CDK14: variants seen among roughly 807,000 people sequenced by gnomAD.
CDK14 encodes the protein cyclin dependent kinase 14, also known as cyclin-dependent kinase 14.
In CDK14, 34 loss-of-function variants were observed where a neutral mutation model predicts 60.7. The ratio of observed to expected loss-of-function variants is 0.56; its 90% CI spans 0.43 to 0.75. The LOEUF (loss-of-function observed/expected upper bound fraction) is 0.75, where lower values mean the gene tolerates loss of function less well. CDK14 is among the 30% of genes least tolerant of loss of function. The pLI is 0.00. For missense variants in CDK14, 482 were observed against 564.1 expected, an observed-to-expected ratio of 0.85 and a Z score of 1.47; for synonymous variants, 197 against 203.7, an observed-to-expected ratio of 0.97 and a Z score of 0.28.
At chr7:90,698,467 A>G (rs1193960315) in intron 2 of CDK14, among the ~76,000 whole-genome samples, 1 of 152,242 alleles carries the variant, frequency 6.6e-6, no homozygotes, top group Admixed American at 6.5e-5. Flanking sequence ...TTCTTCATAC[A>G]TAGATAATAT....
intron 12 of CDK14, among the ~76,000 whole-genome samples, chr7:91,095,284 A>G (rs1409479533): frequency 1.3e-5 from 2 of 152,232 alleles, no homozygotes; most frequent in Admixed American, 1.3e-4. Flanking sequence ...CACTCAGTTC[A>G]TATTTGTTGA....
At chr7:90,962,468 A>G (rs2117594621) in intron 9 of CDK14, among the ~76,000 whole-genome samples, 1 of 152,240 alleles carries the variant, frequency 6.6e-6, no homozygotes, top group East Asian at 1.9e-4. Context: ...CCTGGGTGAC[A>G]GAGTGAGACT....
chr7:90,774,045 A>T (rs987558092), intron 4 of CDK14, among the ~76,000 whole-genome samples: 13 of 151,718 alleles, frequency 8.6e-5, no homozygotes, highest in Non-Finnish European at 1.8e-4. Flanking sequence ...CTGGAATTAC[A>T]GGCGCTTGCC....
intron 2 of CDK14, among the ~76,000 whole-genome samples, chr7:90,613,406 T>C (rs1799583721): frequency 6.6e-6 from 1 of 152,204 alleles, no homozygotes; most frequent in Non-Finnish European, 1.5e-5. Context: ...TTTGAATTCA[T>C]TTGTTGAAAG....
At chr7:90,768,403 AAG>A (rs1804652488) in intron 4 of CDK14, among the ~76,000 whole-genome samples, 1 of 152,178 alleles carries the variant, frequency 6.6e-6, no homozygotes, top group Non-Finnish European at 1.5e-5. Flanking sequence ...GTATATTACA[AAG>A]AAAGTTCAGA....
intron 5 of CDK14, among the ~76,000 whole-genome samples, chr7:90,796,846 G>A (rs751698822): frequency 7.2e-5 from 11 of 151,844 alleles, no homozygotes; most frequent in Non-Finnish European, 1.0e-4. Flanking sequence ...TACCATGGTC[G>A]TTAAGAAGTT....
At chr7:90,810,513 C>T (rs1312061403) in intron 5 of CDK14, among the ~76,000 whole-genome samples, 7 of 152,042 alleles carry the variant, frequency 4.6e-5, no homozygotes, top group South Asian at 2.1e-4. Flanking sequence ...ACAGCCAATA[C>T]CATACTGAAT....
chr7:91,057,843 G>A (rs1797634100), intron 11 of CDK14, among the ~76,000 whole-genome samples: 1 of 152,108 alleles, frequency 6.6e-6, no homozygotes, highest in Non-Finnish European at 1.5e-5. Flanking sequence ...GTAGCGTGAT[G>A]CCTCCAGCTT....
intron 6 of CDK14, among the ~76,000 whole-genome samples, chr7:90,892,810 G>T (rs181130474): frequency 6.6e-6 from 1 of 152,188 alleles, no homozygotes; most frequent in East Asian, 1.9e-4. Context: ...TTTTGTTCTC[G>T]CTCTGTCACC....
At position 90,890,386 on chromosome 7, in the gene CDK14, G is replaced by GTAGA. The variant is rs1792077625; in HGVS notation, c.640-8901_640-8898dup. On this transcript the variant is annotated intron_variant, in intron 6 of 14. Coordinates refer to ENST00000380050, the MANE Select transcript of CDK14 (RefSeq NM_001287135.2). ...AGACCCTGTCTCAATAGATAGGTAG[G>GTAGA]TAGATAGGTAGGTAGGTAGGTAGAC... Among the ~76,000 whole-genome samples, 12 of 152,148 alleles carry GTAGA rather than the reference G, an allele frequency of 7.9e-5. No individual in the cohort carries two copies. In the South Asian group the frequency reaches 2.5e-3, roughly 32 times the overall value.
intron 7 of CDK14, among the ~76,000 whole-genome samples, chr7:90,899,631 C>G (rs1792438993): frequency 6.6e-6 from 1 of 152,004 alleles, no homozygotes; most frequent in African/African-American, 2.4e-5. Context: ...TGGAATCCTA[C>G]TTTTTAACAC....
intron 14 of CDK14, among the ~76,000 whole-genome samples, chr7:91,196,354 G>C (rs1469233642): frequency 6.6e-6 from 1 of 152,212 alleles, no homozygotes; most frequent in African/African-American, 2.4e-5. Context: ...GGTCAAGCCA[G>C]TTCCAGAACA....
chr7:91,039,980 G>C (rs1015326544), intron 10 of CDK14, among the ~76,000 whole-genome samples: 4 of 152,078 alleles, frequency 2.6e-5, no homozygotes, highest in African/African-American at 9.7e-5. Context: ...CCAGCTACTC[G>C]AGAGGCTGAG....
chr7:91,144,450 AT>A, intron 14 of CDK14, among the ~76,000 whole-genome samples: 1 of 152,324 alleles, frequency 6.6e-6, no homozygotes, highest in African/African-American at 2.4e-5. Flanking sequence ...TGGTATTGGC[AT>A]TTCACAAATA....
At chr7:90,820,213 T>C (rs1030465103) in intron 5 of CDK14, among the ~76,000 whole-genome samples, 3 of 152,196 alleles carry the variant, frequency 2.0e-5, no homozygotes, top group African/African-American at 7.2e-5. Context: ...TATGGCATCT[T>C]GAAGTCCTCT....
intron 3 of CDK14, among the ~76,000 whole-genome samples, chr7:90,729,069 A>G (rs1275262659): frequency 6.6e-6 from 1 of 151,632 alleles, no homozygotes; most frequent in East Asian, 1.9e-4. Context: ...TGACTCTTCA[A>G]TCTGATATCC....
intron 2 of CDK14, among the ~76,000 whole-genome samples, chr7:90,627,921 C>T (rs1005857077): frequency 6.6e-6 from 1 of 152,130 alleles, no homozygotes; most frequent in Non-Finnish European, 1.5e-5. Flanking sequence ...GCTGTGAATG[C>T]TTTTTGTTTG....
chr7:91,040,318 C>T (rs957192099), intron 10 of CDK14, among the ~76,000 whole-genome samples: 4 of 152,112 alleles, frequency 2.6e-5, no homozygotes, highest in Non-Finnish European at 5.9e-5. Flanking sequence ...CTTCTGGGAA[C>T]TTCATACCAT....
intron 8 of CDK14, among the ~76,000 whole-genome samples, chr7:90,943,842 A>T (rs904959780): frequency 6.6e-6 from 1 of 152,202 alleles, no homozygotes; most frequent in African/African-American, 2.4e-5. Context: ...GTCCTGCTAC[A>T]GTTTGAGTGT....
Sources: allele counts gnomAD v4.1 joint callset (sites outside exome capture counted in the v4.1 genomes callset), GRCh38; gene constraint gnomAD v4.1.1; transcripts MANE v1.5; gene names NCBI Gene and HGNC (gene_info 2026-07-23, HGNC 2026-07-21).